LAMC3: variants seen among roughly 807,000 people sequenced by gnomAD.
LAMC3 encodes laminin subunit gamma 3.
In LAMC3, 128 loss-of-function variants were observed where a neutral mutation model predicts 173.8. The ratio of observed to expected loss-of-function variants is 0.74; its 90% CI spans 0.64 to 0.85. The LOEUF (loss-of-function observed/expected upper bound fraction) is 0.85. Among genes scored for constraint, LAMC3 ranks in the 40% least tolerant of loss-of-function variants. The pLI, the probability that LAMC3 is intolerant of heterozygous loss-of-function variation, is 0.00. For missense variants in LAMC3, 2,022 were observed against 2,156.0 expected (o/e 0.94, Z 1.23); for synonymous variants, 897 against 909.1 (o/e 0.99, Z 0.24).
Position 131,091,985 on chromosome 9 carries a change from A to G in LAMC3, c.*198A>G, listed in dbSNP as rs1232320548. 1 of 653,656 alleles carries G rather than the reference A, an allele frequency of 1.5e-6. No homozygotes were observed. Among genetic ancestry groups the G allele is most frequent in the Non-Finnish European group, 2.6e-6 (1 of 379,914 alleles). 40.5% of individuals were successfully genotyped at this position (653,656 alleles called of 1,614,324 possible). ...CCAGCAGGACTGAGTGTGCGTACCC[A>G]GTTCACCTGGACATGAGTGCACACT... On this transcript the variant is annotated 3_prime_UTR_variant, in exon 28 of 28. Transcript: ENST00000361069.
At position 131,080,726 on chromosome 9, in the gene LAMC3, C is replaced by T. The variant is rs969275678; in HGVS notation, c.3928-1333C>T. ...ACCTGCTGATCTGGTCCACTGCCCT[C>T]GTCCAGGGTGAGGTTGCCAGGAAGA... is the stretch of plus-strand genomic sequence containing the variant. On this transcript the variant is annotated intron_variant, in intron 23 of 27. Transcript: ENST00000361069. 3.3e-5 allele frequency among the ~76,000 whole-genome samples: 5 copies of T among 152,072 alleles called. No homozygotes were observed. In the South Asian group the frequency reaches 6.2e-4, roughly 19 times the overall value.
intron 1 of LAMC3, among the ~76,000 whole-genome samples, chr9:131,017,707 G>A (rs1833549561): frequency 9.8e-6 from 1 of 102,154 alleles, no homozygotes; most frequent in Non-Finnish European, 1.8e-5. Flanking sequence ...CTGGATGACA[G>A]CAAGACTGTC....
In LAMC3 at chr9:131,087,458, C is replaced by T. The variant is rs764690790; in HGVS notation, c.4231-18C>T. ...CTGCACTCACTTCTTCTCCCTGCCA[C>T]TGCCACCCATCCCATAGCTTGCCAA... On this transcript the variant is annotated intron_variant, in intron 25 of 27. Coordinates refer to ENST00000361069, the MANE Select transcript of LAMC3 (RefSeq NM_006059.4). The T allele has an allele frequency of 3.0e-5, 48 of 1,613,556 alleles. No individual in the cohort carries two copies. The highest frequency in any genetic ancestry group is 3.8e-5 in the Non-Finnish European group (45 of 1,179,956).
At chr9:131,080,024 G>A (rs975483824) in intron 23 of LAMC3, among the ~76,000 whole-genome samples, 1 of 152,178 alleles carries the variant, frequency 6.6e-6, no homozygotes, top group Non-Finnish European at 1.5e-5. Flanking sequence ...CTGGGCTAGA[G>A]TGCAGTGACA....
chr9:131,029,845 C>A lies in LAMC3; in HGVS notation c.679-2200C>A, dbSNP rs1833793917. Among the ~76,000 whole-genome samples, 1 of 152,160 alleles carries A rather than the reference C, an allele frequency of 6.6e-6. No homozygotes were observed. Among genetic ancestry groups the A allele is most frequent in the Admixed American group, 6.6e-5 (1 of 15,258 alleles). On this transcript the variant is annotated intron_variant, in intron 2 of 27. Transcript: ENST00000361069. The surrounding 1 kb of genome is among the most constrained non-coding windows in gnomAD (Gnocchi z 4.6). Reference sequence around the variant, plus strand: ...TCCTGCTTCTCCTTAATGCCATGGCCTGAGTCCTGGGATCCATCTAAAATC... The same window carrying A: ...TCCTGCTTCTCCTTAATGCCATGGCATGAGTCCTGGGATCCATCTAAAATC...
At chr9:131,069,949 T>C (rs1830011879) in intron 17 of LAMC3, 99 bp downstream of exon 17, 1 of 1,273,500 alleles carries the variant, frequency 7.9e-7, no homozygotes, top group African/African-American at 1.5e-5. Context: ...TTACCCCCAG[T>C]GCTCAGGCTT....
At position 131,036,247 on chromosome 9, in the gene LAMC3, C is replaced by T. The variant is rs201035688; in HGVS notation, c.891C>T (p.Thr297=). ...CCTGCCGGTGCCAGCACAACACCAC[C>T]GGCACAGACTGTGAGCGCTGCCTGC... The part of the protein sequence containing the change: ...QLACRCQHNT[T]GTDCERCLPF... Residue 297 remains threonine (T), a synonymous_variant, in exon 4 of 28, where the codon ACC becomes ACT. Coordinates refer to ENST00000361069, the MANE Select transcript of LAMC3 (RefSeq NM_006059.4). 1.2e-5 allele frequency: 20 copies of T among 1,613,192 alleles called. No individual in the cohort carries two copies. Among genetic ancestry groups the T allele is most frequent in the Admixed American group, 3.3e-5 (2 of 59,992 alleles).
Position 131,029,530 on chromosome 9 carries a change from C to T in LAMC3, c.679-2515C>T, listed in dbSNP as rs1833790076. 6.6e-6 allele frequency among the ~76,000 whole-genome samples: 1 copy of T among 152,204 alleles called. No homozygotes were observed. The highest frequency in any genetic ancestry group is 1.5e-5 in the Non-Finnish European group (1 of 68,050). On this transcript the variant is annotated intron_variant, in intron 2 of 27. Coordinates refer to ENST00000361069, the MANE Select transcript of LAMC3 (RefSeq NM_006059.4). This position sits in a 1 kb window ranked among gnomAD's most constrained non-coding sequence, Gnocchi z 4.6. ...AGATGACCTTTTGAGAAATATCTCC[C>T]CTGCTGCTTCTGGACAGAAACCAAG...
rs1369273313 is a variant in LAMC3 at position 131,029,687 on chromosome 9, T to C, written c.679-2358T>C. Among the ~76,000 whole-genome samples, 1 of 152,190 alleles carries C rather than the reference T, an allele frequency of 6.6e-6. No individual in the cohort carries two copies. The highest frequency in any genetic ancestry group is 1.5e-5 in the Non-Finnish European group (1 of 68,048). On this transcript the variant is annotated intron_variant, in intron 2 of 27. Transcript: ENST00000361069. This position sits in a 1 kb window ranked among gnomAD's most constrained non-coding sequence, Gnocchi z 4.6. Reference sequence around the variant, plus strand: ...AAGGAAGGATGTGGCTGCTGGGTCTTGGGTCCCTCTGACCCCCAAGGAAGG... The same window carrying C: ...AAGGAAGGATGTGGCTGCTGGGTCTCGGGTCCCTCTGACCCCCAAGGAAGG...
At chr9:131,088,829 C>T (rs1018191157) in intron 27 of LAMC3, among the ~76,000 whole-genome samples, 1 of 151,964 alleles carries the variant, frequency 6.6e-6, no homozygotes, top group African/African-American at 2.4e-5. Context: ...TGCCTGTAAT[C>T]CCAGCACTTT....
chr9:131,058,912 A>AT (rs1491194320), intron 12 of LAMC3, among the ~76,000 whole-genome samples: 1 of 150,102 alleles, frequency 6.7e-6, no homozygotes, highest in African/African-American at 2.5e-5. Flanking sequence ...AAAAAAAAAA[A>AT]GAAGAGGCCA....
chr9:131,089,712 T>C (rs924759881), intron 27 of LAMC3, among the ~76,000 whole-genome samples: 3 of 152,160 alleles, frequency 2.0e-5, no homozygotes, highest in African/African-American at 7.2e-5. Context: ...TTGACTGACT[T>C]ATTTCACTTA....
At chr9:131,065,039 TAAAA>T (rs754104539) in intron 13 of LAMC3, among the ~76,000 whole-genome samples, 6 of 27,420 alleles carry the variant, frequency 2.2e-4, no homozygotes, top group Non-Finnish European at 4.1e-4. Context: ...AGACTCCATC[TAAAA>T]AAAAAAAAAA....
chr9:131,039,360 C>G, intron 6 of LAMC3, 112 bp downstream of exon 6: 1 of 900,186 alleles, frequency 1.1e-6, no homozygotes, highest in Non-Finnish European at 1.8e-6. Flanking sequence ...CTGCAGCTAC[C>G]TCGCCCTAAT....
Position 131,092,056 on chromosome 9 carries a change from CAT to C in LAMC3, c.*271_*272del, listed in dbSNP as rs1290631258. On this transcript the variant is annotated 3_prime_UTR_variant, in exon 28 of 28. Transcript: ENST00000361069. The stretch of plus-strand genomic sequence containing the variant: ...AACGGGCACACCCCAGTGTCAATAA[CAT>C]ACACACGTGAGGGTGCATGTCTGTG... 12 of 539,860 alleles carry C rather than the reference CAT, an allele frequency of 2.2e-5. No homozygotes were observed. Among genetic ancestry groups the C allele is most frequent in the African/African-American group, 1.1e-4 (6 of 52,760 alleles). 33.4% of individuals were successfully genotyped at this position (539,860 alleles called of 1,614,324 possible).
chr9:131,036,000 T>G (rs1833936636), intron 3 of LAMC3, among the ~76,000 whole-genome samples, 166 bp from the exon 4 acceptor site: 1 of 152,142 alleles, frequency 6.6e-6, no homozygotes, highest in Non-Finnish European at 1.5e-5. Context: ...GTACAGTCAG[T>G]TCTCTGTTAC....
intron 8 of LAMC3, among the ~76,000 whole-genome samples, chr9:131,046,179 CCTTTTTTTTTT>C (rs1382860978): frequency 7.7e-6 from 1 of 129,272 alleles, no homozygotes; most frequent in Admixed American, 8.0e-5. Flanking sequence ...GAGTTTTGCT[CCTTTTTTTTTT>C]TTTTTTTTTT....
chr9:131,092,115 A>G lies in LAMC3; in HGVS notation c.*328A>G. On this transcript the variant is annotated 3_prime_UTR_variant, in exon 28 of 28. Transcript: ENST00000361069. The stretch of plus-strand genomic sequence containing the variant: ...ACCCACACGTGTTCAAGTCTAATCC[A>G]TCCAGTCAGCAGCTTACGGTCCACA... 2.5e-6 allele frequency: 1 copy of G among 407,490 alleles called. No homozygotes were observed. The highest frequency in any genetic ancestry group is 2.5e-5 in the South Asian group (1 of 40,552). 25.2% of individuals were successfully genotyped at this position (407,490 alleles called of 1,614,324 possible).
chr9:131,066,852 G>T, intron 13 of LAMC3, 108 bp from the exon 14 acceptor site: 3 of 1,465,280 alleles, frequency 2.0e-6, no homozygotes, highest in Non-Finnish European at 2.8e-6. Context: ...GCCCAAGCCC[G>T]TGCTGCTCCG....
Sources: allele counts gnomAD v4.1 joint callset (sites outside exome capture counted in the v4.1 genomes callset), GRCh38; gene constraint gnomAD v4.1.1; non-coding constraint Gnocchi (gnomAD v3.1); transcripts MANE v1.5; gene names NCBI Gene and HGNC (gene_info 2026-07-23, HGNC 2026-07-21).